The following HR variants were observed in gnomAD, a reference collection of about 807,000 sequenced individuals.
The protein encoded by HR is HR lysine demethylase and nuclear receptor corepressor.
In HR, 83 loss-of-function variants were observed where a neutral mutation model predicts 128.6. That is an observed-to-expected ratio of 0.65 (90% CI 0.54 to 0.77). The LOEUF (loss-of-function observed/expected upper bound fraction) is 0.77, where lower values mean the gene tolerates loss of function less well. Among genes scored for constraint, HR ranks in the 30% least tolerant of loss-of-function variants. HR has a pLI of 0.00. For missense variants in HR, 1,490 were observed against 1,574.6 expected (o/e 0.95, Z 0.91); for synonymous variants, 681 against 658.2 (o/e 1.03, Z -0.53).
In HR at chr8:22,125,495, C is replaced by A. The variant is rs150171846; in HGVS notation, c.1566G>T (p.Leu522=). The change falls in exon 5 of 19, where the codon CTG becomes CTT. Residue 522 remains leucine (L), a synonymous_variant. Transcript: ENST00000381418. ...CTTCCTCCTGCTGCAGCTCCCCTCC[C>A]AGAGGCGATCTGGAGAGAGGGCAGG... is the stretch of plus-strand genomic sequence containing the variant. ...CHSQQVRRSP[L]GGELQQEEDT... is the part of the protein sequence containing the mutation. The A allele has an allele frequency of 2.2e-4, 353 of 1,613,478 alleles. 2 individuals carry two copies. The African/African-American group carries it at 4.3e-3, about 20-fold the overall frequency.
chr8:22,127,852 C>T (rs1450348245), intron 2 of HR, 23 bp from the exon 3 acceptor site: 3 of 1,597,722 alleles, frequency 1.9e-6, no homozygotes, highest in Non-Finnish European at 8.5e-7. Flanking sequence ...GAAAGTGTTA[C>T]GCTTCAGCTG....
intron 2 of HR, chr8:22,128,066 A>G (rs1826947402): frequency 1.6e-6 from 1 of 609,530 alleles, no homozygotes. Flanking sequence ...TAAAGAGTGA[A>G]TGCCTGGCAC....
rs941670085 is a variant in HR at position 22,116,156 on chromosome 8, T to C, written c.3507+144A>G. The stretch of plus-strand genomic sequence containing the variant: ...TCTCAAAAAACAAAATGAAACAAAC[T>C]AAACAAAAGGAATACTCTGCCCCTG... On this transcript the variant is annotated intron_variant, in intron 18 of 18. Transcript: ENST00000381418. The surrounding 1 kb of genome is among the most constrained non-coding windows in gnomAD (Gnocchi z 4.2). 1.3e-5 allele frequency: 15 copies of C among 1,161,666 alleles called. No homozygotes were observed. Among genetic ancestry groups the C allele is most frequent in the Non-Finnish European group, 1.7e-5 (14 of 807,012 alleles). 72.0% of individuals were successfully genotyped at this position (1,161,666 alleles called of 1,614,324 possible). A position where few individuals can be genotyped will look rare whatever the true frequency, so the allele number is the denominator to read the frequency against.
Position 22,127,821 on chromosome 8 carries a change from G to A in HR, c.621C>T (p.Tyr207=), listed in dbSNP as rs1563187096. Residue 207 remains tyrosine, a synonymous_variant, in exon 3 of 19, where the codon TAC becomes TAT. Coordinates refer to ENST00000381418, the MANE Select transcript of HR (RefSeq NM_005144.5). ...ACCTGGGAATGCTCGGATCCTTGTA[G>A]TAAAAGCCCTAAAGAGGGGAGAAAG... ...SAFSLGSKGF[Y]YKDPSIPRLA... 6.3e-7 allele frequency: 1 copy of A among 1,598,636 alleles called. No homozygotes were observed. The highest frequency in any genetic ancestry group is 8.5e-7 in the Non-Finnish European group (1 of 1,179,960).
intron 14 of HR, 141 bp downstream of exon 14, chr8:22,119,616 CAAA>C (rs759829347): frequency 2.4e-3 from 2,201 of 916,614 alleles, no homozygotes; most frequent in Middle Eastern, 4.3e-3. Flanking sequence ...TCAACAACAA[CAAA>C]AAAAAAAAAA....
At chr8:22,121,501 G>T in intron 9 of HR, 112 bp downstream of exon 9, 1 of 1,130,306 alleles carries the variant, frequency 8.8e-7, no homozygotes, top group Non-Finnish European at 1.3e-6. Flanking sequence ...ATTATTGGGG[G>T]TGGGGGGGAG....
chr8:22,129,001 G>C lies in HR; in HGVS notation c.170C>G (p.Pro57Arg), dbSNP rs746225712. 6.2e-7 allele frequency: 1 copy of C among 1,612,764 alleles called. No individual in the cohort carries two copies. The highest frequency in any genetic ancestry group is 1.1e-5 in the South Asian group (1 of 91,046). The part of the protein sequence containing the change: ...APFWRGVLST[P>R]DSWLPPGFPQ... ...GAAGCCAGGGGGAAGCCAGGAGTCT[G>C]GGGTGCTCAGGACGCCCCTCCAAAA... The change falls in exon 2 of 19, where the codon CCA (proline) becomes CGA (arginine). Residue 57 changes from proline (P) to arginine (R), a missense_variant. By Grantham distance (103) the Pro-to-Arg change is moderately radical. Transcript: ENST00000381418.
rs1232610408 is a variant in HR, at chr8:22,125,652, G to C, written c.1486C>G (p.Gln496Glu). 1.1e-5 allele frequency: 18 copies of C among 1,613,110 alleles called. No individual in the cohort carries two copies. Among genetic ancestry groups the C allele is most frequent in the Non-Finnish European group, 1.5e-5 (18 of 1,179,750 alleles). Residue 496 changes from glutamine to glutamate, a missense_variant, in exon 4 of 19, where the codon CAA (glutamine) becomes GAA (glutamate). By Grantham distance (29) the Gln-to-Glu change is conservative (BLOSUM62 2). Coordinates refer to ENST00000381418, the MANE Select transcript of HR (RefSeq NM_005144.5). ...PCLALPAKLA[Q>E]CQSCAQAAGE... ...GCTGCCTGGGCACAACTTTGGCATT[G>C]AGCCAGTTTTGCAGGGAGAGCCAGG...
At chr8:22,117,316 A>T (rs987794349) in intron 16 of HR, 12 of 444,668 alleles carry the variant, frequency 2.7e-5, no homozygotes, top group Admixed American at 1.2e-4. Context: ...GGAGGCCTTT[A>T]ACAGCCTCTG....
chr8:22,117,388 G>A (rs371445811), intron 16 of HR: 13 of 299,756 alleles, frequency 4.3e-5, no homozygotes, highest in African/African-American at 2.0e-4. Context: ...CGAGGGAGAC[G>A]TCCTGCATAA....
Position 22,116,732 on chromosome 8 carries a change from G to T in HR, c.3378+143C>A, listed in dbSNP as rs145391526. On this transcript the variant is annotated intron_variant, in intron 17 of 18. Coordinates refer to ENST00000381418, the MANE Select transcript of HR (RefSeq NM_005144.5). The surrounding 1 kb of genome is among the most constrained non-coding windows in gnomAD (Gnocchi z 4.2). The stretch of plus-strand genomic sequence containing the variant: ...GACTTCAAGGCCTCTTGGCTCCCCC[G>T]TTATCTCTTCCCCACAGCAGCGTGC... 14 of 1,239,030 alleles carry T rather than the reference G, an allele frequency of 1.1e-5. No individual in the cohort carries two copies. Among genetic ancestry groups the T allele is most frequent in the Non-Finnish European group, 1.5e-5 (13 of 878,228 alleles). The allele number at this position is 1,239,030 out of a possible 1,614,324, so 76.8% of individuals were successfully genotyped here.
chr8:22,121,736 T>G, intron 8 of HR, 42 bp from the exon 9 acceptor site: 3 of 1,579,886 alleles, frequency 1.9e-6, no homozygotes, highest in Non-Finnish European at 2.6e-6. Context: ...AACCAGAGAT[T>G]TTAAAATGGC....
chr8:22,118,868 T>C (rs59952427), intron 16 of HR, 82 bp downstream of exon 16: 46,332 of 1,206,300 alleles, frequency 0.038, 4,757 homozygotes, highest in African/African-American at 0.36. Flanking sequence ...AGCGAGCACA[T>C]GGGACCGCAC....
At chr8:22,123,617 T>TTG in intron 6 of HR, 32 bp downstream of exon 6, 19 of 292,076 alleles carry the variant, frequency 6.5e-5, no homozygotes, top group Non-Finnish European at 1.1e-4. Context: ...GAGGGCTCCA[T>TTG]CCCGCCCTCC....
rs140969608 is a variant in HR, at chr8:22,127,216, C to G, written c.1226G>C (p.Arg409Pro). The G allele has an allele frequency of 6.2e-7, 1 of 1,612,882 alleles. No individual in the cohort carries two copies. The highest frequency in any genetic ancestry group is 8.5e-7 in the Non-Finnish European group (1 of 1,180,008). Reference sequence around the variant, plus strand: ...GGGGCTGCCTGCCCTTTTGAGGGCCCGGAGCCGAGCAACCGGCCTCTCCTC... The same window carrying G: ...GGGGCTGCCTGCCCTTTTGAGGGCCGGGAGCCGAGCAACCGGCCTCTCCTC... ...EVEERPVARL[R>P]ALKRAGSPEV... is the part of the protein sequence containing the mutation. Residue 409 changes from arginine (R) to proline (P), a missense_variant, in exon 3 of 19, where the codon CGG (arginine) becomes CCG (proline). Physicochemically the swap from Arg to Pro is moderately radical, Grantham distance 103. Coordinates refer to ENST00000381418, the MANE Select transcript of HR (RefSeq NM_005144.5).
intron 3 of HR, among the ~76,000 whole-genome samples, chr8:22,126,425 C>T (rs1826893122): frequency 6.6e-6 from 1 of 152,210 alleles, no homozygotes; most frequent in African/African-American, 2.4e-5. Context: ...CGCCCAGAGC[C>T]CTAACACTGG....
chr8:22,123,616 A>AGGGGGGGCGCCCC, intron 6 of HR, 33 bp downstream of exon 6: 1 of 562,348 alleles, frequency 1.8e-6, no homozygotes, highest in Non-Finnish European at 3.0e-6. Flanking sequence ...TGAGGGCTCC[A>AGGGGGGGCGCCCC]TCCCGCCCTC....
At chr8:22,119,401 G>T in intron 14 of HR, 118 bp from the exon 15 acceptor site, 1 of 1,428,830 alleles carries the variant, frequency 7.0e-7, no homozygotes, top group African/African-American at 1.4e-5. Context: ...CTGAGGTCAG[G>T]AGTTTGAGAC....
chr8:22,117,254 G>T, intron 16 of HR: 1 of 551,078 alleles, frequency 1.8e-6, no homozygotes, highest in Non-Finnish European at 3.2e-6. Flanking sequence ...TTAGAAGGAA[G>T]GGATTCAAGG....
Sources: allele counts gnomAD v4.1 joint callset (sites outside exome capture counted in the v4.1 genomes callset), GRCh38; gene constraint gnomAD v4.1.1; non-coding constraint Gnocchi (gnomAD v3.1); transcripts MANE v1.5; gene names NCBI Gene and HGNC (gene_info 2026-07-23, HGNC 2026-07-21).